Variants in VPS13B observed in about 807,000 individuals in gnomAD.
The protein encoded by VPS13B is intermembrane lipid transfer protein VPS13B.
Under a neutral mutation model 426.4 loss-of-function variants are expected in VPS13B, and 285 were observed. The observed-to-expected ratio is 0.67, with a 90% CI of 0.61 to 0.74. VPS13B has a LOEUF of 0.74. Among genes scored for constraint, VPS13B ranks in the 30% least tolerant of loss-of-function variants. The probability of loss-of-function intolerance (pLI) is 0.00; values close to 1 mark genes in which losing one functional copy is unlikely to be tolerated. For missense variants in VPS13B, 4,537 were observed against 4,782.6 expected, an observed-to-expected ratio of 0.95 and a Z score of 1.51; for synonymous variants, 1,676 against 1,676.4, an observed-to-expected ratio of 1.00 and a Z score of 0.01.
chr8:99,432,884 C>T (rs1194789453), intron 22 of VPS13B, among the ~76,000 whole-genome samples: 1 of 152,132 alleles, frequency 6.6e-6, no homozygotes, highest in Admixed American at 6.5e-5. Context: ...TTTATTGATT[C>T]ATTTTGCAAA....
At chr8:99,104,665 C>A (rs958517552) in intron 5 of VPS13B, among the ~76,000 whole-genome samples, 1 of 151,792 alleles carries the variant, frequency 6.6e-6, no homozygotes, top group Admixed American at 6.6e-5. Context: ...ATTCTGTTGC[C>A]CAGGCTGGAG....
intron 36 of VPS13B, among the ~76,000 whole-genome samples, chr8:99,714,138 CA>C (rs1166159886): frequency 1.9e-3 from 126 of 65,142 alleles, no homozygotes; most frequent in African/African-American, 3.4e-3. Flanking sequence ...GACTCTGTCT[CA>C]AAAAAAAAAA....
At chr8:99,348,407 AT>A (rs1302388147) in intron 19 of VPS13B, among the ~76,000 whole-genome samples, 1 of 152,216 alleles carries the variant, frequency 6.6e-6, no homozygotes, top group East Asian at 1.9e-4. Flanking sequence ...AGCACATTGC[AT>A]TTGTGATTAT....
At chr8:99,179,127 A>T (rs1293208132) in intron 16 of VPS13B, among the ~76,000 whole-genome samples, 1 of 152,120 alleles carries the variant, frequency 6.6e-6, no homozygotes, top group African/African-American at 2.4e-5. Context: ...TTAAAAAAAA[A>T]TTTTGGTGCC....
At chr8:99,559,102 C>T (rs1167862413) in intron 31 of VPS13B, among the ~76,000 whole-genome samples, 1 of 152,206 alleles carries the variant, frequency 6.6e-6, no homozygotes, top group African/African-American at 2.4e-5. Context: ...GATTGCCATT[C>T]TAACTGGTGT....
intron 39 of VPS13B, among the ~76,000 whole-genome samples, chr8:99,759,008 C>T (rs1810780807): frequency 6.6e-6 from 1 of 152,076 alleles, no homozygotes; most frequent in South Asian, 2.1e-4. Context: ...TGTCAAGTCC[C>T]CTTGCTTCTC....
At chr8:99,802,142 C>G (rs992863290) in intron 43 of VPS13B, among the ~76,000 whole-genome samples, 1 of 150,748 alleles carries the variant, frequency 6.6e-6, no homozygotes, top group African/African-American at 2.4e-5. Flanking sequence ...AAAGGGAAAC[C>G]CAGTCTCAAA....
chr8:99,743,956 A>G (rs923946651), intron 39 of VPS13B, among the ~76,000 whole-genome samples: 14 of 152,202 alleles, frequency 9.2e-5, no homozygotes, highest in Admixed American at 4.6e-4. Context: ...AATGGCAACA[A>G]AAGCCAAAAT....
chr8:99,732,263 G>A (rs1053058265), intron 39 of VPS13B, among the ~76,000 whole-genome samples: 3 of 152,262 alleles, frequency 2.0e-5, no homozygotes, highest in East Asian at 3.9e-4. Flanking sequence ...ATGTCTCTAC[G>A]AAGTCATGAG....
chr8:99,670,289 A>T (rs999121166), intron 35 of VPS13B, among the ~76,000 whole-genome samples: 2 of 152,032 alleles, frequency 1.3e-5, no homozygotes, highest in African/African-American at 4.8e-5. Context: ...AATCTTTAAA[A>T]TTTTTTTCAA....
At position 99,819,550 on chromosome 8, in the gene VPS13B, C is replaced by G. The variant is rs1462269185; in HGVS notation, c.8760C>G (p.Pro2920=). The G allele has an allele frequency of 6.2e-7, 1 of 1,613,760 alleles. No individual in the cohort carries two copies. Residue 2920 remains proline (P), a synonymous_variant, in exon 48 of 62, where the codon CCC becomes CCG. Transcript: ENST00000357162. ...ATGGGCCAGAAAAGTCGCTTCAACC[C>G]ATATGGCCCTATAATAAGAAGGATT... is the stretch of plus-strand genomic sequence containing the variant. ...EFYGPEKSLQ[P]IWPYNKKDSD... is the part of the protein sequence containing the mutation.
At chr8:99,050,140 C>A (rs542925497) in intron 3 of VPS13B, among the ~76,000 whole-genome samples, 3 of 151,742 alleles carry the variant, frequency 2.0e-5, no homozygotes, top group Non-Finnish European at 4.4e-5. Context: ...CCCATTAACT[C>A]GTAATTTAAC....
intron 21 of VPS13B, among the ~76,000 whole-genome samples, chr8:99,413,220 C>T (rs1815795222): frequency 6.6e-6 from 1 of 151,954 alleles, no homozygotes; most frequent in African/African-American, 2.4e-5. Flanking sequence ...CTATTAATTA[C>T]TGCCTCAATT....
At chr8:99,284,911 A>G (rs1242806280) in intron 19 of VPS13B, among the ~76,000 whole-genome samples, 1 of 152,180 alleles carries the variant, frequency 6.6e-6, no homozygotes, top group African/African-American at 2.4e-5. Context: ...CTGCTTACTA[A>G]GATTGTTGTG....
intron 19 of VPS13B, among the ~76,000 whole-genome samples, chr8:99,278,789 CT>C (rs1819022975): frequency 6.6e-6 from 1 of 152,216 alleles, no homozygotes; most frequent in Admixed American, 6.5e-5. Flanking sequence ...TACAGCATTT[CT>C]TTGTCTTTGA....
At chr8:99,427,560 C>G (rs1199691973) in intron 21 of VPS13B, among the ~76,000 whole-genome samples, 1 of 151,880 alleles carries the variant, frequency 6.6e-6, no homozygotes, top group Non-Finnish European at 1.5e-5. Flanking sequence ...AATAAAATAC[C>G]TGGGAATCCA....
Position 99,275,130 on chromosome 8 carries a change from C to T in VPS13B, c.2700C>T (p.Asp900=), listed in dbSNP as rs765522219. ...TTCCCTTGCTTCAGGGTCCTTCTGA[C>T]ACTAAAGACCTTCATAGCACCAAGT... ...KLIPLLQGPS[D]TKDLHSTKWL... is the part of the protein sequence containing the mutation. The change falls in exon 19 of 62, where the codon GAC becomes GAT. Residue 900 remains aspartate (D), a synonymous_variant. Coordinates refer to ENST00000357162, the MANE Select transcript of VPS13B (RefSeq NM_152564.5). The T allele has an allele frequency of 1.9e-6, 3 of 1,611,702 alleles. No individual in the cohort carries two copies. The highest frequency in any genetic ancestry group is 1.7e-5 in the Admixed American group (1 of 59,904).
chr8:99,391,341 G>C lies in VPS13B; in HGVS notation c.2935-216G>C, dbSNP rs578045972. Reference sequence around the variant, plus strand: ...GATAAGCATTGCTCTGTGTGTGCATGTGTGTCTGTGTCTGTGTGTGTGTGA... The same window carrying C: ...GATAAGCATTGCTCTGTGTGTGCATCTGTGTCTGTGTCTGTGTGTGTGTGA... On this transcript the variant is annotated intron_variant, in intron 20 of 61. Coordinates refer to ENST00000357162, the MANE Select transcript of VPS13B (RefSeq NM_152564.5). 1.1e-4 allele frequency among the ~76,000 whole-genome samples: 17 copies of C among 149,632 alleles called. 1 individual carries two copies. The South Asian group carries it at 1.9e-3, about 17-fold the overall frequency.
At chr8:99,296,523 ATCTT>A (rs1049354960) in intron 19 of VPS13B, among the ~76,000 whole-genome samples, 45 of 152,286 alleles carry the variant, frequency 3.0e-4, no homozygotes, top group African/African-American at 1.1e-3. Context: ...GTATAGTTAA[ATCTT>A]TCTTTACTCT....
Sources: gnomAD v4.1 joint callset for allele counts (sites outside exome capture counted in the v4.1 genomes callset) on GRCh38, gnomAD v4.1.1 for gene constraint, MANE v1.5 for transcripts, NCBI Gene and HGNC (gene_info 2026-07-23, HGNC 2026-07-21) for gene names.